LSAMP: variants seen among roughly 807,000 people sequenced by gnomAD.
LSAMP encodes limbic system associated membrane protein.
LSAMP carries 7 observed loss-of-function variants against 38.6 expected under a neutral mutation model. The ratio of observed to expected loss-of-function variants is 0.18; its 90% CI spans 0.10 to 0.34. The LOEUF is 0.34. LSAMP is among the 10% of genes least tolerant of loss of function. LSAMP has a pLI of 1.00. For missense variants in LSAMP, 313 were observed against 420.0 expected, an observed-to-expected ratio of 0.75 and a Z score of 2.23; for synonymous variants, 154 against 166.8, an observed-to-expected ratio of 0.92 and a Z score of 0.59.
At chr3:116,295,397 C>T (rs2047317889) in intron 1 of LSAMP, among the ~76,000 whole-genome samples, 1 of 152,140 alleles carries the variant, frequency 6.6e-6, no homozygotes, top group South Asian at 2.1e-4. Context: ...CTGGCTGGAA[C>T]TAATCTATTT....
At chr3:116,024,005 CCTTA>C in intron 2 of LSAMP, among the ~76,000 whole-genome samples, 1 of 152,276 alleles carries the variant, frequency 6.6e-6, no homozygotes, top group East Asian at 1.9e-4. Flanking sequence ...CAGCTTGTCT[CCTTA>C]CTTGTTTACG....
intron 2 of LSAMP, among the ~76,000 whole-genome samples, chr3:116,067,839 C>T (rs1707497405): frequency 6.6e-6 from 1 of 151,922 alleles, no homozygotes; most frequent in Non-Finnish European, 1.5e-5. Context: ...TTATATTTAT[C>T]TTTATTAAAT....
chr3:115,891,186 CCA>C (rs1330908286), intron 3 of LSAMP, among the ~76,000 whole-genome samples: 1 of 151,918 alleles, frequency 6.6e-6, no homozygotes, highest in Non-Finnish European at 1.5e-5. Flanking sequence ...AGGAACAGCC[CCA>C]GTCTTCCTCC....
At position 116,199,266 on chromosome 3, in the gene LSAMP, G is replaced by A. The variant is rs112191736; in HGVS notation, c.156-112710C>T. ...CAACACCTACTGTTAAGAAATACAT[G>A]GTTAATTATTTCTTAAAACTTTAAA... On this transcript the variant is annotated intron_variant, in intron 1 of 6. Transcript: ENST00000490035. Among the ~76,000 whole-genome samples the A allele has an allele frequency of 4.3e-3, 650 of 151,830 alleles. 7 individuals are homozygous for A. The highest frequency in any genetic ancestry group is 0.015 in the African/African-American group (613 of 41,398).
At position 116,126,424 on chromosome 3, in the gene LSAMP, C is replaced by G. The variant is rs116325048; in HGVS notation, c.156-39868G>C. 2.3e-3 allele frequency among the ~76,000 whole-genome samples: 348 copies of G among 152,300 alleles called. 1 individual carries two copies. The highest frequency in any genetic ancestry group is 8.0e-3 in the African/African-American group (334 of 41,558). On this transcript the variant is annotated intron_variant, in intron 1 of 6. Transcript: ENST00000490035. ...CTCTTGGAAATAAGGAGTGTTGATTCGAGACCTAATGAATGATAGAAAAAT... is the reference window on the plus strand; with the variant it reads ...CTCTTGGAAATAAGGAGTGTTGATTGGAGACCTAATGAATGATAGAAAAAT...
intron 1 of LSAMP, among the ~76,000 whole-genome samples, chr3:116,409,167 G>A (rs1193963169): frequency 6.6e-6 from 1 of 151,964 alleles, no homozygotes; most frequent in Non-Finnish European, 1.5e-5. Flanking sequence ...CACAGTAAAA[G>A]TTTAACTACC....
chr3:116,420,246 T>G (rs1387499834), intron 1 of LSAMP, among the ~76,000 whole-genome samples: 1 of 151,994 alleles, frequency 6.6e-6, no homozygotes, highest in East Asian at 2.0e-4. Flanking sequence ...TACAGGCACC[T>G]GTCACCACGC....
chr3:115,983,359 T>A (rs894863505), intron 3 of LSAMP, among the ~76,000 whole-genome samples: 5 of 151,780 alleles, frequency 3.3e-5, no homozygotes, highest in Admixed American at 2.0e-4. Flanking sequence ...AAGAAAAAAA[T>A]AATAATAAAT....
At chr3:116,190,878 T>C (rs1710739448) in intron 1 of LSAMP, among the ~76,000 whole-genome samples, 1 of 152,176 alleles carries the variant, frequency 6.6e-6, no homozygotes, top group South Asian at 2.1e-4. Context: ...AGTTCACGTC[T>C]ATTCCAGCTT....
intron 3 of LSAMP, among the ~76,000 whole-genome samples, chr3:115,897,936 C>T (rs182463827): frequency 1.2e-3 from 183 of 152,254 alleles, no homozygotes; most frequent in Middle Eastern, 6.8e-3. Context: ...AATACCGCTT[C>T]ATGTGGGAGC....
chr3:116,275,232 T>C (rs892160256), intron 1 of LSAMP, among the ~76,000 whole-genome samples: 25 of 151,700 alleles, frequency 1.6e-4, no homozygotes, highest in Non-Finnish European at 5.9e-5. Flanking sequence ...AAAAAAAAAA[T>C]TGATAGAGAC....
rs112446405 is a variant in LSAMP, at chr3:115,971,704, C to A, written c.514+47811G>T. On this transcript the variant is annotated intron_variant, in intron 3 of 6. Coordinates refer to ENST00000490035, the MANE Select transcript of LSAMP (RefSeq NM_002338.5). The stretch of plus-strand genomic sequence containing the variant: ...CATTAACTATTGATAAGGTGATTAT[C>A]ACCATGGAAATTTCCTTTTCCTACT... 3.3e-3 allele frequency among the ~76,000 whole-genome samples: 509 copies of A among 152,244 alleles called. 3 individuals are homozygous for A. The highest frequency in any genetic ancestry group is 0.011 in the African/African-American group (472 of 41,564).
chr3:115,874,920 A>G (rs559249119), intron 3 of LSAMP, among the ~76,000 whole-genome samples: 120 of 152,212 alleles, frequency 7.9e-4, no homozygotes, highest in Non-Finnish European at 1.5e-3. Context: ...AAAAAAAAAA[A>G]GAGAATGAAC....
At chr3:115,970,524 A>G (rs1196110798) in intron 3 of LSAMP, among the ~76,000 whole-genome samples, 2 of 152,182 alleles carry the variant, frequency 1.3e-5, no homozygotes, top group Admixed American at 6.5e-5. Flanking sequence ...TACAAAAGTG[A>G]GGGCTCTTTC....
At chr3:116,275,858 T>C (rs2047044521) in intron 1 of LSAMP, among the ~76,000 whole-genome samples, 1 of 152,222 alleles carries the variant, frequency 6.6e-6, no homozygotes, top group Non-Finnish European at 1.5e-5. Flanking sequence ...GAAGATGTAG[T>C]AAGTGATAGA....
At chr3:116,077,031 C>G (rs758927130) in intron 2 of LSAMP, among the ~76,000 whole-genome samples, 1 of 151,492 alleles carries the variant, frequency 6.6e-6, no homozygotes, top group East Asian at 1.9e-4. Context: ...TCTTAATATA[C>G]TGTATATTAA....
chr3:116,118,270 C>G (rs532726047), intron 1 of LSAMP, among the ~76,000 whole-genome samples: 1 of 152,278 alleles, frequency 6.6e-6, no homozygotes, highest in South Asian at 2.1e-4. Context: ...AATAATTTCT[C>G]TTATTTTAAT....
At chr3:116,331,164 A>C (rs1369794090) in intron 1 of LSAMP, among the ~76,000 whole-genome samples, 4 of 152,170 alleles carry the variant, frequency 2.6e-5, no homozygotes, top group African/African-American at 7.2e-5. Flanking sequence ...TAAAAGGAGA[A>C]TCTCTGAAGT....
chr3:116,081,995 C>T (rs762981580), intron 2 of LSAMP, among the ~76,000 whole-genome samples: 7 of 151,926 alleles, frequency 4.6e-5, no homozygotes, highest in Non-Finnish European at 1.0e-4. Context: ...TTAGGCAGTA[C>T]GTAAATTGAA....
Sources: allele counts gnomAD v4.1 joint callset (sites outside exome capture counted in the v4.1 genomes callset), GRCh38; gene constraint gnomAD v4.1.1; transcripts MANE v1.5; gene names NCBI Gene and HGNC (gene_info 2026-07-23, HGNC 2026-07-21).